The following CTNNA2 variants were observed in gnomAD, a reference collection of about 807,000 sequenced individuals.
CTNNA2 encodes catenin alpha-2.
A neutral mutation model predicts 101.0 loss-of-function variants in CTNNA2; 42 were observed. The observed-to-expected ratio is 0.42, with a 90% confidence interval of 0.32 to 0.54. CTNNA2 has a LOEUF of 0.54. Among genes scored for constraint, CTNNA2 ranks in the 20% least tolerant of loss-of-function variants. The pLI, the probability that CTNNA2 is intolerant of heterozygous loss-of-function variation, is 0.14. For missense variants in CTNNA2, 871 were observed against 1,223.1 expected, an observed-to-expected ratio of 0.71 and a Z score of 4.29; for synonymous variants, 450 against 456.4, an observed-to-expected ratio of 0.99 and a Z score of 0.18.
chr2:80,009,726 CTG>C (rs57813087), intron 7 of CTNNA2, among the ~76,000 whole-genome samples: 44,125 of 147,770 alleles, frequency 0.3, 7,859 homozygotes, highest in African/African-American at 0.51. Context: ...TGGTGTGTGT[CTG>C]TGTGTGTGTG....
chr2:79,276,182 C>G (rs1349815394), intron 2 of CTNNA2, among the ~76,000 whole-genome samples: 1 of 152,082 alleles, frequency 6.6e-6, no homozygotes, highest in African/African-American at 2.4e-5. Context: ...GAAGAGCATT[C>G]TAGGTTATTG....
At chr2:79,344,896 CTT>C (rs1172649251) in intron 3 of CTNNA2, among the ~76,000 whole-genome samples, 1 of 144,666 alleles carries the variant, frequency 6.9e-6, no homozygotes, top group East Asian at 2.0e-4. Context: ...TATATAAAGT[CTT>C]AAATACATTT....
At chr2:79,686,316 G>T (rs1426848053) in intron 2 of CTNNA2, among the ~76,000 whole-genome samples, 2 of 152,086 alleles carry the variant, frequency 1.3e-5, no homozygotes, top group Non-Finnish European at 2.9e-5. Context: ...AACCCAGTCT[G>T]AGTTATAGCT....
chr2:79,699,403 T>C (rs1453852665), intron 2 of CTNNA2, among the ~76,000 whole-genome samples: 1 of 151,996 alleles, frequency 6.6e-6, no homozygotes, highest in East Asian at 1.9e-4. Flanking sequence ...GATAGATAAG[T>C]GGATATGTTG....
chr2:80,302,330 A>G lies in CTNNA2; in HGVS notation c.1057-90881A>G, dbSNP rs1021076134. The G allele has an allele frequency of 6.2e-6, 10 of 1,614,084 alleles. No individual in the cohort carries two copies. The highest frequency in any genetic ancestry group is 4.0e-5 in the African/African-American group (3 of 74,926). The stretch of plus-strand genomic sequence containing the variant: ...GTTGATGATCACCAGGGCTCCCTCA[A>G]TGTGGTTCGGTTTGTAATCAACGTA... On this transcript the variant is annotated intron_variant, in intron 7 of 18. Transcript: ENST00000402739. The surrounding 1 kb of genome is among the most constrained non-coding windows in gnomAD (Gnocchi z 6.4).
At chr2:79,895,076 TTC>T (rs987610802) in intron 6 of CTNNA2, among the ~76,000 whole-genome samples, 1 of 152,190 alleles carries the variant, frequency 6.6e-6, no homozygotes, top group African/African-American at 2.4e-5. Context: ...CTCTTAGGGC[TTC>T]TCTTTTCCAG....
intron 2 of CTNNA2, among the ~76,000 whole-genome samples, chr2:79,668,283 A>G (rs973936100): frequency 2.0e-5 from 3 of 150,034 alleles, no homozygotes; most frequent in African/African-American, 4.9e-5. Flanking sequence ...AACTTGAACA[A>G]CTTTCTCTTC....
chr2:79,355,909 C>A (rs1677498652), intron 3 of CTNNA2, among the ~76,000 whole-genome samples: 2 of 151,996 alleles, frequency 1.3e-5, no homozygotes, highest in Admixed American at 6.6e-5. Context: ...CATTCACATA[C>A]AAGTATTCAT....
intron 2 of CTNNA2, among the ~76,000 whole-genome samples, chr2:79,262,182 T>A (rs1360693945): frequency 6.6e-6 from 1 of 151,908 alleles, no homozygotes; most frequent in Non-Finnish European, 1.5e-5. Context: ...TACAATAAAA[T>A]AAACAAAACA....
intron 7 of CTNNA2, among the ~76,000 whole-genome samples, chr2:80,096,818 A>G (rs1700185197): frequency 6.6e-6 from 1 of 152,196 alleles, no homozygotes; most frequent in African/African-American, 2.4e-5. Flanking sequence ...ATCAGAGACT[A>G]GGATTGCAAC....
At chr2:79,193,952 G>C (rs896660821) in intron 1 of CTNNA2, among the ~76,000 whole-genome samples, 1 of 152,120 alleles carries the variant, frequency 6.6e-6, no homozygotes, top group Non-Finnish European at 1.5e-5. Context: ...GCATGCTGTT[G>C]CCATTTTTAT....
At chr2:79,958,293 C>T (rs1275453521) in intron 7 of CTNNA2, among the ~76,000 whole-genome samples, 1 of 152,146 alleles carries the variant, frequency 6.6e-6, no homozygotes, top group Non-Finnish European at 1.5e-5. Context: ...GAATTAGTAA[C>T]AGAACTTGTG....
intron 2 of CTNNA2, among the ~76,000 whole-genome samples, chr2:79,303,279 A>G (rs1025864395): frequency 9.2e-5 from 14 of 152,310 alleles, no homozygotes; most frequent in African/African-American, 3.1e-4. Context: ...GGTGTGGGCT[A>G]AGAAAAGCAC....
intron 7 of CTNNA2, among the ~76,000 whole-genome samples, chr2:80,374,304 CAT>C (rs1174839609): frequency 6.6e-6 from 1 of 152,088 alleles, no homozygotes; most frequent in African/African-American, 2.4e-5. Context: ...TAAGTGAAAA[CAT>C]GTGGTTTTTG....
intron 7 of CTNNA2, among the ~76,000 whole-genome samples, chr2:80,307,919 G>C (rs564514057): frequency 2.9e-4 from 44 of 152,302 alleles, no homozygotes; most frequent in African/African-American, 1.0e-3. Context: ...AGGAAGTCTG[G>C]GTTATATGAG....
intron 2 of CTNNA2, among the ~76,000 whole-genome samples, chr2:79,686,979 C>T (rs954459420): frequency 1.3e-5 from 2 of 152,102 alleles, no homozygotes; most frequent in East Asian, 1.9e-4. Flanking sequence ...CAGCTTATGT[C>T]TTATGTCGCT....
At chr2:80,567,921 C>G (rs866355711) in intron 12 of CTNNA2, among the ~76,000 whole-genome samples, 3 of 152,072 alleles carry the variant, frequency 2.0e-5, no homozygotes, top group African/African-American at 7.2e-5. Context: ...CTGTTTATCT[C>G]TCTCGAACAG....
chr2:80,162,666 G>A, intron 7 of CTNNA2: 5 of 1,612,570 alleles, frequency 3.1e-6, no homozygotes, highest in East Asian at 2.2e-5. Flanking sequence ...CTGTGATGAT[G>A]GTGTACCTTG....
At chr2:79,960,821 T>G (rs944616949) in intron 7 of CTNNA2, among the ~76,000 whole-genome samples, 1 of 152,182 alleles carries the variant, frequency 6.6e-6, no homozygotes, top group African/African-American at 2.4e-5. Flanking sequence ...GGACTTGGCT[T>G]TGAACTCTGA....
Sources: allele counts gnomAD v4.1 joint callset (sites outside exome capture counted in the v4.1 genomes callset), GRCh38; gene constraint gnomAD v4.1.1; non-coding constraint Gnocchi (gnomAD v3.1); transcripts MANE v1.5; gene names NCBI Gene and HGNC (gene_info 2026-07-23, HGNC 2026-07-21).